The following DCLK1 variants were observed in gnomAD, a reference collection of about 807,000 sequenced individuals.
DCLK1 encodes the protein serine/threonine-protein kinase DCLK1.
Under a neutral mutation model 86.2 loss-of-function variants are expected in DCLK1, and 16 were observed. That is an observed-to-expected ratio of 0.19 (90% CI 0.13 to 0.28). DCLK1 has a LOEUF of 0.28. Ranked by LOEUF, DCLK1 falls within the 10% of genes least tolerant of loss-of-function variation. The pLI is 1.00. For synonymous variants in DCLK1, 369 were observed against 370.5 expected, an observed-to-expected ratio of 1.00 and a Z score of 0.05; for missense variants, 590 against 940.2, an observed-to-expected ratio of 0.63 and a Z score of 4.87.
intron 11 of DCLK1, among the ~76,000 whole-genome samples, chr13:35,822,424 G>C (rs540700288): frequency 6.6e-6 from 1 of 152,148 alleles, no homozygotes; most frequent in African/African-American, 2.4e-5. Context: ...AATGACATTT[G>C]TGTCTGTGTA....
intron 4 of DCLK1, among the ~76,000 whole-genome samples, chr13:35,944,479 G>A (rs1252131291): frequency 6.6e-6 from 1 of 152,074 alleles, no homozygotes; most frequent in Non-Finnish European, 1.5e-5. Flanking sequence ...CATGCTCGGA[G>A]CACTTAAAAA....
chr13:35,979,107 C>T (rs921550035), intron 3 of DCLK1, among the ~76,000 whole-genome samples: 1 of 152,168 alleles, frequency 6.6e-6, no homozygotes, highest in Non-Finnish European at 1.5e-5. Context: ...ATCTCACATA[C>T]AGATCTCTGC....
At chr13:36,119,087 G>A (rs1391727969) in intron 2 of DCLK1, among the ~76,000 whole-genome samples, 1 of 152,152 alleles carries the variant, frequency 6.6e-6, no homozygotes, top group East Asian at 1.9e-4. Context: ...TATTTAATAA[G>A]AGCTGGAACA....
intron 3 of DCLK1, among the ~76,000 whole-genome samples, chr13:36,103,590 T>A (rs1885296332): frequency 6.6e-6 from 1 of 152,210 alleles, no homozygotes; most frequent in African/African-American, 2.4e-5. Flanking sequence ...ATCTCCCATC[T>A]GTCCTTTTGT....
intron 10 of DCLK1, among the ~76,000 whole-genome samples, chr13:35,823,950 T>A (rs5019502): frequency 0.33 from 49,263 of 151,188 alleles, 9,221 homozygotes; most frequent in African/African-American, 0.52. Flanking sequence ...ACCACACAAA[T>A]TTTTTTTTTC....
intron 3 of DCLK1, among the ~76,000 whole-genome samples, chr13:36,064,321 T>C (rs186244240): frequency 1.4e-4 from 22 of 152,312 alleles, no homozygotes; most frequent in Non-Finnish European, 3.1e-4. Flanking sequence ...CAAATGCCAT[T>C]TTCCTGCAGA....
chr13:35,900,597 G>C (rs536172223), intron 4 of DCLK1, among the ~76,000 whole-genome samples: 2 of 152,106 alleles, frequency 1.3e-5, no homozygotes, highest in Non-Finnish European at 2.9e-5. Flanking sequence ...TGAGCATTGC[G>C]CAAGCTTACA....
intron 3 of DCLK1, among the ~76,000 whole-genome samples, chr13:36,053,088 G>C (rs1242047572): frequency 6.6e-6 from 1 of 152,284 alleles, no homozygotes; most frequent in East Asian, 1.9e-4. Flanking sequence ...AATTCTGTTA[G>C]AGAGTGCATT....
At chr13:35,944,629 G>A (rs918276654) in intron 4 of DCLK1, among the ~76,000 whole-genome samples, 1 of 152,130 alleles carries the variant, frequency 6.6e-6, no homozygotes, top group Non-Finnish European at 1.5e-5. Context: ...TTTTCTATTT[G>A]AGCCCCTTTC....
chr13:36,050,989 CAAT>C, intron 3 of DCLK1, among the ~76,000 whole-genome samples: 1 of 152,100 alleles, frequency 6.6e-6, no homozygotes, highest in Non-Finnish European at 1.5e-5. Flanking sequence ...CCATTCACAA[CAAT>C]GATACATCAG....
At chr13:35,850,124 T>A (rs1223104896) in intron 6 of DCLK1, 2 of 985,150 alleles carry the variant, frequency 2.0e-6, no homozygotes, top group African/African-American at 1.7e-5. Flanking sequence ...TTTTTCTTTT[T>A]CTCTCGGATG....
chr13:35,936,961 G>GCTTTTTTTTTTTTTTTT (rs1876785734), intron 4 of DCLK1, among the ~76,000 whole-genome samples: 1 of 91,560 alleles, frequency 1.1e-5, no homozygotes, highest in African/African-American at 3.8e-5. Context: ...AGAAAAGTTA[G>GCTTTTTTTTTTTTTTTT]CTTTTTTTTT....
chr13:35,880,109 C>A (rs1186307722), intron 4 of DCLK1, among the ~76,000 whole-genome samples: 1 of 152,216 alleles, frequency 6.6e-6, no homozygotes, highest in Non-Finnish European at 1.5e-5. Context: ...ACTCTTTCTG[C>A]AGGTCTGGCA....
chr13:35,871,231 G>A lies in DCLK1; in HGVS notation c.933C>T (p.Thr311=). 1 of 1,613,076 alleles carries A rather than the reference G, an allele frequency of 6.2e-7. No homozygotes were observed. Among genetic ancestry groups the A allele is most frequent in the East Asian group, 2.2e-5 (1 of 44,836 alleles). ...TCCCCTCTGCTGCTTTACCTGAGCT[G>A]GTGGAGGCAGGGGACTTGCTACGCC... ...PSRRSKSPAS[T]SSVNGTPGSQ... is the part of the protein sequence containing the mutation. Residue 311 remains threonine (T), a synonymous_variant, in exon 5 of 17, where the codon ACC becomes ACT. Coordinates refer to ENST00000360631, the MANE Select transcript of DCLK1 (RefSeq NM_001330071.2).
At position 36,051,474 on chromosome 13, in the gene DCLK1, A is replaced by T. The variant is rs539996348; in HGVS notation, c.723+60395T>A. ...TTTTTTTTTATTTCTTTAACAACAC[A>T]TAAGTACATTTGTCTTGCTTTATTC... On this transcript the variant is annotated intron_variant, in intron 3 of 16. Transcript: ENST00000360631. 5.3e-4 allele frequency among the ~76,000 whole-genome samples: 81 copies of T among 152,134 alleles called. No homozygotes were observed. The Middle Eastern group carries it at 0.014, about 26-fold the overall frequency.
chr13:36,008,447 C>G (rs1473060555), intron 3 of DCLK1, among the ~76,000 whole-genome samples: 19 of 105,744 alleles, frequency 1.8e-4, no homozygotes, highest in South Asian at 4.0e-4. Context: ...TTGTTCAATT[C>G]CCACCTATGA....
intron 4 of DCLK1, among the ~76,000 whole-genome samples, chr13:35,872,503 A>G (rs1872340535): frequency 6.6e-6 from 1 of 152,156 alleles, no homozygotes; most frequent in South Asian, 2.1e-4. Flanking sequence ...TCAGTATTTC[A>G]CTGTTATAAA....
At chr13:36,127,417 G>A (rs1320294875) in intron 1 of DCLK1, among the ~76,000 whole-genome samples, 1 of 152,046 alleles carries the variant, frequency 6.6e-6, no homozygotes, top group Non-Finnish European at 1.5e-5. Context: ...AGAAATTGAG[G>A]CTTAAAGATG....
In DCLK1 at chr13:36,101,457, A is replaced by G. The variant is rs567056259; in HGVS notation, c.723+10412T>C. Among the ~76,000 whole-genome samples the G allele has an allele frequency of 1.2e-4, 18 of 152,312 alleles. 1 individual carries two copies. The highest frequency in any genetic ancestry group is 6.2e-4 in the South Asian group (3 of 4,826). On this transcript the variant is annotated intron_variant, in intron 3 of 16. Transcript: ENST00000360631. ...TGAGAGGATGCTAATAAAACTGCGA[A>G]ATCAGCTAAAACTAATGTTTAATGC...
Sources: allele counts gnomAD v4.1 joint callset (sites outside exome capture counted in the v4.1 genomes callset), GRCh38; gene constraint gnomAD v4.1.1; transcripts MANE v1.5; gene names NCBI Gene and HGNC (gene_info 2026-07-23, HGNC 2026-07-21).